Variants in SACS observed in about 807,000 individuals in gnomAD.
SACS encodes sacsin molecular chaperone, also known as sacsin.
Under a neutral mutation model 348.0 loss-of-function variants are expected in SACS, and 197 were observed. The observed-to-expected ratio is 0.57, with a 90% CI of 0.50 to 0.64. The LOEUF (loss-of-function observed/expected upper bound fraction) is 0.64, where lower values mean the gene tolerates loss of function less well. Ranked by LOEUF, SACS falls within the 30% of genes least tolerant of loss-of-function variation. SACS has a pLI of 0.00. For missense variants in SACS, 4,999 were observed against 5,360.8 expected, an observed-to-expected ratio of 0.93 and a Z score of 2.11; for synonymous variants, 1,985 against 1,910.6, an observed-to-expected ratio of 1.04 and a Z score of -1.02.
intron 1 of SACS, among the ~76,000 whole-genome samples, chr13:23,415,681 C>T (rs756366818): frequency 3.3e-5 from 5 of 152,090 alleles, no homozygotes; most frequent in Non-Finnish European, 5.9e-5. Flanking sequence ...TTATTCTTTA[C>T]TTAATATTTA....
At position 23,336,497 on chromosome 13, in the gene SACS, A is replaced by G; in HGVS notation, c.7379T>C (p.Leu2460Pro). The change falls in exon 10 of 10, where the codon CTT becomes CCT. Residue 2460 changes from leucine to proline, a missense_variant. Leu to Pro is a moderately conservative substitution (Grantham distance 98). Around this residue, in one of 6 missense-constraint regions of SACS, gnomAD observed 3,156 missense variants for 3,380.1 expected, o/e 0.93. Transcript: ENST00000382292. ...GTAGCATAACGATTTAGCAGGGAGAAGCATAAGATTAGTATCTGGCAATAA... is the reference window on the plus strand; with the variant it reads ...GTAGCATAACGATTTAGCAGGGAGAGGCATAAGATTAGTATCTGGCAATAA... ...KILLPDTNLM[L>P]LPAKSLCYND... 1 of 1,614,058 alleles carries G rather than the reference A, an allele frequency of 6.2e-7. No homozygotes were observed. The highest frequency in any genetic ancestry group is 8.5e-7 in the Non-Finnish European group (1 of 1,179,938).
chr13:23,398,424 C>T (rs1872799732), intron 2 of SACS, among the ~76,000 whole-genome samples: 1 of 150,452 alleles, frequency 6.6e-6, no homozygotes, highest in Non-Finnish European at 1.5e-5. Flanking sequence ...GTTCCAGCTA[C>T]TCGGGGGGCT....
At chr13:23,405,431 T>G (rs1873163141) in intron 2 of SACS, among the ~76,000 whole-genome samples, 1 of 152,190 alleles carries the variant, frequency 6.6e-6, no homozygotes, top group South Asian at 2.1e-4. Context: ...GACTTAAATG[T>G]AAGCCCTAAA....
intron 1 of SACS, among the ~76,000 whole-genome samples, chr13:23,423,242 C>A (rs1468135181): frequency 6.6e-6 from 1 of 151,992 alleles, no homozygotes; most frequent in Non-Finnish European, 1.5e-5. Flanking sequence ...TATGAATATA[C>A]GAATATCCAT....
Position 23,371,160 on chromosome 13 carries a change from A to C in SACS, c.177T>G (p.Ser59=). The C allele has an allele frequency of 1.2e-6, 2 of 1,605,156 alleles. No homozygotes were observed. The highest frequency in any genetic ancestry group is 1.7e-6 in the Non-Finnish European group (2 of 1,173,304). ...TCAGATCTCCAATCTTGATCCAGTC[A>C]GATAACTGAAAAAAAGCAAAAGAAA... is the stretch of plus-strand genomic sequence containing the variant. ...QRLWRGGREL[S]DWIKIGDLTS... The change falls in exon 4 of 10, where the codon TCT becomes TCG. Residue 59 remains serine, a synonymous_variant. Coordinates refer to ENST00000382292, the MANE Select transcript of SACS (RefSeq NM_014363.6).
Position 23,411,864 on chromosome 13 carries a change from A to C in SACS, c.-501-124T>G, listed in dbSNP as rs141154264. 3.8e-3 allele frequency: 588 copies of C among 152,880 alleles called. 1 individual carries two copies. The highest frequency in any genetic ancestry group is 6.1e-3 in the Non-Finnish European group (416 of 68,472). 9.5% of individuals were successfully genotyped at this position (152,880 alleles called of 1,614,324 possible). ...ACTCAGCTCCAGTGACTTTCTAATTATACTCTGCTAGTGGCACTACAGCTC... is the reference window on the plus strand; with the variant it reads ...ACTCAGCTCCAGTGACTTTCTAATTCTACTCTGCTAGTGGCACTACAGCTC... On this transcript the variant is annotated intron_variant, in intron 1 of 9. Coordinates refer to ENST00000382292, the MANE Select transcript of SACS (RefSeq NM_014363.6).
intron 2 of SACS, among the ~76,000 whole-genome samples, chr13:23,388,918 G>A (rs1402832951): frequency 6.6e-6 from 1 of 152,094 alleles, no homozygotes; most frequent in Non-Finnish European, 1.5e-5. Flanking sequence ...ATTTCAGGGT[G>A]ATAAAATACC....
At chr13:23,433,417 C>A (rs1566118253) in intron 1 of SACS, among the ~76,000 whole-genome samples, 198 bp downstream of exon 1, 1 of 152,200 alleles carries the variant, frequency 6.6e-6, no homozygotes, top group African/African-American at 2.4e-5. Flanking sequence ...GCTGAAGGCC[C>A]TCTCGTCTCT....
intron 2 of SACS, among the ~76,000 whole-genome samples, chr13:23,399,141 C>T (rs2137922545): frequency 6.6e-6 from 1 of 151,734 alleles, no homozygotes; most frequent in South Asian, 2.1e-4. Context: ...ACACCTAAAT[C>T]TAAACGGCAT....
Position 23,336,281 on chromosome 13 carries a change from A to G in SACS, c.7595T>C (p.Ile2532Thr), listed in dbSNP as rs1292962703. 6.2e-7 allele frequency: 1 copy of G among 1,613,966 alleles called. No individual in the cohort carries two copies. The highest frequency in any genetic ancestry group is 1.3e-5 in the African/African-American group (1 of 74,924). ...AGGATATGCATTAAGGATGCTCTTA[A>G]TTCTGCTGGTCAATTTTTCTTTCTG... ...FGQKEKLTSR[I>T]KSILNAYPSE... is the part of the protein sequence containing the mutation. Residue 2532 changes from isoleucine (I) to threonine (T), a missense_variant, in exon 10 of 10, where the codon ATT (isoleucine) becomes ACT (threonine). Physicochemically the swap from Ile to Thr is moderately conservative, Grantham distance 89. Coordinates refer to ENST00000382292, the MANE Select transcript of SACS (RefSeq NM_014363.6).
chr13:23,377,051 A>T (rs2137852595), intron 2 of SACS, among the ~76,000 whole-genome samples: 1 of 152,350 alleles, frequency 6.6e-6, no homozygotes. Flanking sequence ...ACTGAAGACC[A>T]CATGTTGTAT....
chr13:23,338,502 G>C lies in SACS; in HGVS notation c.5374C>G (p.Leu1792Val), dbSNP rs1337310754. ...FRGPDDDPAA[L>V]FEMAKSGQSK... is the part of the protein sequence containing the mutation. ...TGGCCAGACTTAGCCATTTCAAAGA[G>C]AGCAGCTGGGTCATCATCTGGACCT... The change falls in exon 10 of 10, where the codon CTC becomes GTC. Residue 1792 changes from leucine (L) to valine (V), a missense_variant. Physicochemically the swap from Leu to Val is conservative, Grantham distance 32 (BLOSUM62 1). Around this residue, in one of 6 missense-constraint regions of SACS, gnomAD observed 3,156 missense variants for 3,380.1 expected, o/e 0.93. Transcript: ENST00000382292. 1.2e-6 allele frequency: 2 copies of C among 1,614,160 alleles called. No homozygotes were observed. Among genetic ancestry groups the C allele is most frequent in the African/African-American group, 1.3e-5 (1 of 75,048 alleles).
At chr13:23,363,972 C>A (rs1366105468) in intron 6 of SACS, among the ~76,000 whole-genome samples, 1 of 152,202 alleles carries the variant, frequency 6.6e-6, no homozygotes, top group Middle Eastern at 3.4e-3. Flanking sequence ...CAGGCTAATC[C>A]TCTTATTATA....
intron 1 of SACS, among the ~76,000 whole-genome samples, chr13:23,426,267 C>T (rs961740856): frequency 6.6e-6 from 1 of 152,150 alleles, no homozygotes; most frequent in Non-Finnish European, 1.5e-5. Context: ...TCAGGAAGTC[C>T]TGATGACATT....
At chr13:23,422,143 C>A (rs954776652) in intron 1 of SACS, among the ~76,000 whole-genome samples, 2 of 152,154 alleles carry the variant, frequency 1.3e-5, no homozygotes, top group Non-Finnish European at 2.9e-5. Flanking sequence ...TTGTGATGTA[C>A]CTTATTATAT....
At position 23,332,611 on chromosome 13, in the gene SACS, T is replaced by C; in HGVS notation, c.11265A>G (p.Ile3755Met). The C allele has an allele frequency of 6.2e-7, 1 of 1,613,640 alleles. No individual in the cohort carries two copies. Among genetic ancestry groups the C allele is most frequent in the Non-Finnish European group, 8.5e-7 (1 of 1,179,862 alleles). ...CTTCATCCAACGTCGTTATGTTGCA[T>C]ATGTTTCTGCAGTTATTGATTACCT... ...LDKVINNCRNICNITTLDEEM... is the reference protein window; with the variant it reads ...LDKVINNCRNMCNITTLDEEM... Residue 3755 changes from isoleucine to methionine, a missense_variant, in exon 10 of 10, where the codon ATA becomes ATG. Physicochemically the swap from Ile to Met is conservative, Grantham distance 10. Coordinates refer to ENST00000382292, the MANE Select transcript of SACS (RefSeq NM_014363.6).
In SACS at chr13:23,332,762, G is replaced by A; in HGVS notation, c.11114C>T (p.Pro3705Leu). 1.2e-6 allele frequency: 2 copies of A among 1,613,936 alleles called. No homozygotes were observed. Among genetic ancestry groups the A allele is most frequent in the Non-Finnish European group, 1.7e-6 (2 of 1,179,934 alleles). Residue 3705 changes from proline (P) to leucine (L), a missense_variant, in exon 10 of 10, where the codon CCT becomes CTT. Coordinates refer to ENST00000382292, the MANE Select transcript of SACS (RefSeq NM_014363.6). ...DVLQLLWTSC[P>L]ILPEKATPLS... is the part of the protein sequence containing the mutation. ...GGGTGTAGCTTTCTCTGGAAGAATA[G>A]GGCAGGATGTCCATAACAGCTGGAG... is the stretch of plus-strand genomic sequence containing the variant.
Position 23,329,943 on chromosome 13 carries a change from A to G in SACS, c.*193T>C. 2 of 609,776 alleles carry G rather than the reference A, an allele frequency of 3.3e-6. No homozygotes were observed. Among genetic ancestry groups the G allele is most frequent in the Non-Finnish European group, 5.7e-6 (2 of 349,328 alleles). 37.8% of individuals were successfully genotyped at this position (609,776 alleles called of 1,614,324 possible). A position where few individuals can be genotyped will look rare whatever the true frequency, so the allele number is the denominator to read the frequency against. ...ATTTTGCAGCTCACCACCATCTTCA[A>G]AATAGTTTTCTTTTAGATTCAGTTA... is the stretch of plus-strand genomic sequence containing the variant. On this transcript the variant is annotated 3_prime_UTR_variant, in exon 10 of 10. Coordinates refer to ENST00000382292, the MANE Select transcript of SACS (RefSeq NM_014363.6).
chr13:23,429,746 T>C (rs886807784), intron 1 of SACS, among the ~76,000 whole-genome samples: 2 of 152,124 alleles, frequency 1.3e-5, no homozygotes, highest in African/African-American at 4.8e-5. Context: ...TCAGAACTAG[T>C]ATGATGTGGA....
Sources: gnomAD v4.1 joint callset for allele counts (sites outside exome capture counted in the v4.1 genomes callset) on GRCh38, gnomAD v4.1.1 for gene constraint, gnomAD v4.1.1 regional missense constraint, MANE v1.5 for transcripts, NCBI Gene and HGNC (gene_info 2026-07-23, HGNC 2026-07-21) for gene names.